SNTG1: variants seen among roughly 807,000 people sequenced by gnomAD.
SNTG1 encodes gamma-1-syntrophin.
Under a neutral mutation model 74.7 loss-of-function variants are expected in SNTG1, and 39 were observed. The observed-to-expected ratio is 0.52, with a 90% CI of 0.40 to 0.68. The LOEUF is 0.68. Ranked by LOEUF, SNTG1 falls within the 30% of genes least tolerant of loss-of-function variation. The probability of loss-of-function intolerance (pLI) is 0.00; values close to 1 mark genes in which losing one functional copy is unlikely to be tolerated. For missense variants in SNTG1, 685 were observed against 609.5 expected (o/e 1.12, Z -1.30); for synonymous variants, 254 against 217.1 (o/e 1.17, Z -1.49).
chr8:50,151,352 C>A (rs915347995), intron 1 of SNTG1, among the ~76,000 whole-genome samples: 1 of 151,978 alleles, frequency 6.6e-6, no homozygotes, highest in Non-Finnish European at 1.5e-5. Context: ...TTGATCTTTT[C>A]AAAAAACCAG....
chr8:50,704,416 AGAG>A (rs2095436473), intron 15 of SNTG1, among the ~76,000 whole-genome samples, 181 bp from the exon 16 acceptor site: 1 of 152,212 alleles, frequency 6.6e-6, no homozygotes, highest in Non-Finnish European at 1.5e-5. Context: ...GTGTAAAGAC[AGAG>A]AAGTCATGTG....
chr8:50,016,173 G>T (rs1282431998), intron 1 of SNTG1, among the ~76,000 whole-genome samples: 2 of 152,056 alleles, frequency 1.3e-5, no homozygotes, highest in Non-Finnish European at 2.9e-5. Context: ...CTTGGGGAGT[G>T]CTTTGAAGCT....
intron 13 of SNTG1, among the ~76,000 whole-genome samples, chr8:50,639,669 A>T (rs1011095118): frequency 6.6e-6 from 1 of 152,108 alleles, no homozygotes; most frequent in Non-Finnish European, 1.5e-5. Flanking sequence ...TGCTACAATA[A>T]TGTACATTTT....
intron 2 of SNTG1, among the ~76,000 whole-genome samples, chr8:50,173,391 A>G (rs2082878844): frequency 6.6e-6 from 1 of 152,172 alleles, no homozygotes; most frequent in Admixed American, 6.5e-5. Flanking sequence ...CTTACAGTCC[A>G]AGGACTTGTA....
intron 8 of SNTG1, among the ~76,000 whole-genome samples, chr8:50,474,391 A>G (rs2093678680): frequency 6.6e-6 from 1 of 151,768 alleles, no homozygotes. Context: ...AAAAAAAAAA[A>G]CAACCCCATC....
chr8:50,283,225 G>A (rs1440482925), intron 2 of SNTG1, among the ~76,000 whole-genome samples: 1 of 152,138 alleles, frequency 6.6e-6, no homozygotes, highest in African/African-American at 2.4e-5. Context: ...TTAATCTTGG[G>A]TTAGCAATTT....
chr8:50,406,901 A>C (rs1003015733), intron 4 of SNTG1, among the ~76,000 whole-genome samples: 1 of 152,094 alleles, frequency 6.6e-6, no homozygotes, highest in Non-Finnish European at 1.5e-5. Flanking sequence ...TCTATCTTCT[A>C]GGTCTGCATC....
At position 49,976,064 on chromosome 8, in the gene SNTG1, C is replaced by T. The variant is rs139741361; in HGVS notation, c.-103+63833C>T. 4.9e-4 allele frequency among the ~76,000 whole-genome samples: 75 copies of T among 152,174 alleles called. 1 individual carries two copies. Among genetic ancestry groups the T allele is most frequent in the African/African-American group, 1.7e-3 (71 of 41,522 alleles). Reference sequence around the variant, plus strand: ...AAGAATTGGAAAGAAGACCTACTGTCATTCTTGGCAACTATTACTAATTTT... The same window carrying T: ...AAGAATTGGAAAGAAGACCTACTGTTATTCTTGGCAACTATTACTAATTTT... On this transcript the variant is annotated intron_variant, in intron 1 of 18. Coordinates refer to ENST00000642720, the MANE Select transcript of SNTG1 (RefSeq NM_018967.5).
At chr8:50,383,950 T>A (rs2092532418) in intron 2 of SNTG1, among the ~76,000 whole-genome samples, 1 of 152,054 alleles carries the variant, frequency 6.6e-6, no homozygotes, top group Non-Finnish European at 1.5e-5. Flanking sequence ...CATTGTTGGA[T>A]CTCCTAATAG....
intron 1 of SNTG1, among the ~76,000 whole-genome samples, chr8:49,998,587 G>GACACACACACACACAC (rs56162374): frequency 3.7e-5 from 5 of 136,838 alleles, no homozygotes; most frequent in East Asian, 2.2e-4. Flanking sequence ...TAAAAATTAA[G>GACACACACACACACAC]ACACACACAC....
intron 2 of SNTG1, among the ~76,000 whole-genome samples, chr8:50,242,971 T>C (rs2086232598): frequency 6.6e-6 from 1 of 152,070 alleles, no homozygotes; most frequent in African/African-American, 2.4e-5. Context: ...AGCATGTCTG[T>C]TGAGATCTAT....
chr8:50,323,809 A>AAC, intron 2 of SNTG1, among the ~76,000 whole-genome samples: 1 of 151,708 alleles, frequency 6.6e-6, no homozygotes, highest in East Asian at 2.0e-4. Flanking sequence ...CCAGTCCCTG[A>AAC]ACATGTCCAG....
intron 10 of SNTG1, among the ~76,000 whole-genome samples, chr8:50,533,782 T>C (rs755394614): frequency 6.6e-6 from 1 of 152,198 alleles, no homozygotes; most frequent in Non-Finnish European, 1.5e-5. Flanking sequence ...GACATACTTA[T>C]ACCTTTGGTA....
At chr8:50,694,575 C>T (rs2095396496) in intron 15 of SNTG1, among the ~76,000 whole-genome samples, 1 of 152,060 alleles carries the variant, frequency 6.6e-6, no homozygotes. Context: ...CACTTCCAAA[C>T]TCTTTTTATG....
intron 6 of SNTG1, among the ~76,000 whole-genome samples, chr8:50,450,354 G>T (rs1303959683): frequency 6.6e-6 from 1 of 152,124 alleles, no homozygotes; most frequent in Non-Finnish European, 1.5e-5. Flanking sequence ...AAAGTAAATG[G>T]AAATATGTCT....
intron 2 of SNTG1, among the ~76,000 whole-genome samples, chr8:50,215,140 C>T (rs2084718391): frequency 6.6e-6 from 1 of 152,052 alleles, no homozygotes; most frequent in Admixed American, 6.6e-5. Flanking sequence ...GGCCCTGTCT[C>T]CTAGGGCAGG....
chr8:50,401,302 T>A (rs1197111453), intron 3 of SNTG1, among the ~76,000 whole-genome samples: 1 of 152,176 alleles, frequency 6.6e-6, no homozygotes, highest in East Asian at 1.9e-4. Context: ...CAAGTGGGAA[T>A]GTTAAGTGCA....
chr8:50,772,702 A>G (rs2095630178), intron 18 of SNTG1, among the ~76,000 whole-genome samples: 1 of 152,082 alleles, frequency 6.6e-6, no homozygotes, highest in Admixed American at 6.6e-5. Context: ...TCATGTCAAA[A>G]TTTGATTCCC....
rs1224585039 is a variant in SNTG1, at chr8:49,911,427, C to T, written c.-907C>T. The T allele has an allele frequency of 6.6e-6, 1 of 151,764 alleles. No homozygotes were observed. The highest frequency in any genetic ancestry group is 1.9e-4 in the East Asian group (1 of 5,142). 9.4% of individuals were successfully genotyped at this position (151,764 alleles called of 1,614,324 possible). The stretch of plus-strand genomic sequence containing the variant: ...CTTTCATTTCTGGCATTAGGAAACT[C>T]GTGCAGGGCCACTGAAAAGTCAGGG... On this transcript the variant is annotated 5_prime_UTR_variant, in exon 1 of 19. Transcript: ENST00000642720.
Sources: allele counts gnomAD v4.1 joint callset (sites outside exome capture counted in the v4.1 genomes callset), GRCh38; gene constraint gnomAD v4.1.1; transcripts MANE v1.5; gene names NCBI Gene and HGNC (gene_info 2026-07-23, HGNC 2026-07-21).